CNTN5: variants seen among roughly 807,000 people sequenced by gnomAD.
The protein encoded by CNTN5 is contactin-5.
CNTN5 carries 77 observed loss-of-function variants against 129.1 expected under a neutral mutation model. The observed-to-expected ratio is 0.60, with a 90% CI of 0.50 to 0.72. CNTN5 has a LOEUF of 0.72. Among genes scored for constraint, CNTN5 ranks in the 30% least tolerant of loss-of-function variants. The pLI is 0.00. For synonymous variants in CNTN5, 509 were observed against 465.6 expected (o/e 1.09, Z -1.20); for missense variants, 1,478 against 1,328.8 (o/e 1.11, Z -1.75).
chr11:99,785,314 GGATA>G (rs1358494630), intron 3 of CNTN5, among the ~76,000 whole-genome samples: 2 of 152,008 alleles, frequency 1.3e-5, no homozygotes, highest in South Asian at 2.1e-4. Flanking sequence ...TTTGTCAGAT[GGATA>G]GATAGCAAAA....
intron 3 of CNTN5, among the ~76,000 whole-genome samples, chr11:99,649,509 G>T (rs1424058983): frequency 6.6e-6 from 1 of 151,836 alleles, no homozygotes; most frequent in Non-Finnish European, 1.5e-5. Context: ...GGGCACAGAA[G>T]TCTTTGAATA....
intron 3 of CNTN5, among the ~76,000 whole-genome samples, chr11:99,608,641 C>T (rs1278531477): frequency 6.6e-6 from 1 of 152,080 alleles, no homozygotes; most frequent in Non-Finnish European, 1.5e-5. Context: ...AGTAGAGAGA[C>T]CCCAGATCAG....
intron 1 of CNTN5, among the ~76,000 whole-genome samples, chr11:99,251,462 A>G (rs1862099712): frequency 6.6e-6 from 1 of 151,920 alleles, no homozygotes; most frequent in Non-Finnish European, 1.5e-5. Context: ...TTATAGAAAT[A>G]GTATCTTCCA....
chr11:100,103,910 A>C (rs374494566), intron 13 of CNTN5, among the ~76,000 whole-genome samples: 6 of 152,286 alleles, frequency 3.9e-5, no homozygotes, highest in African/African-American at 1.4e-4. Context: ...TTTGACTTAC[A>C]GCAGATAAAT....
At chr11:100,336,831 C>A in intron 21 of CNTN5, 1 of 434,462 alleles carries the variant, frequency 2.3e-6, no homozygotes, top group Non-Finnish European at 4.2e-6. Context: ...CCTTCCCGGC[C>A]TCTTCCCCAG....
At chr11:99,632,921 G>T (rs652769) in intron 3 of CNTN5, among the ~76,000 whole-genome samples, 91,653 of 151,816 alleles carry the variant, frequency 0.6, 28,480 homozygotes, top group Admixed American at 0.69. Flanking sequence ...AGTCATCTTT[G>T]AGTTCTGAGA....
At chr11:99,959,911 C>T (rs563169400) in intron 8 of CNTN5, among the ~76,000 whole-genome samples, 27 of 148,234 alleles carry the variant, frequency 1.8e-4, no homozygotes, top group African/African-American at 5.6e-4. Flanking sequence ...ATTGCTTTCT[C>T]GGCTTTTATT....
chr11:99,292,164 T>C (rs1278924400), intron 1 of CNTN5, among the ~76,000 whole-genome samples: 1 of 151,652 alleles, frequency 6.6e-6, no homozygotes, highest in East Asian at 1.9e-4. Context: ...AAAAGAATAA[T>C]GTATATATTG....
chr11:99,796,496 G>A (rs1341517780), intron 3 of CNTN5, among the ~76,000 whole-genome samples: 1 of 152,056 alleles, frequency 6.6e-6, no homozygotes, highest in Non-Finnish European at 1.5e-5. Context: ...ACAAATGGCT[G>A]CTCTGCTGGA....
intron 3 of CNTN5, among the ~76,000 whole-genome samples, chr11:99,583,087 C>T (rs1350861550): frequency 6.6e-6 from 1 of 152,196 alleles, no homozygotes; most frequent in East Asian, 1.9e-4. Flanking sequence ...ACTGGAGGTC[C>T]ACTCTAGACC....
At chr11:99,645,030 G>A (rs941161041) in intron 3 of CNTN5, among the ~76,000 whole-genome samples, 5 of 151,632 alleles carry the variant, frequency 3.3e-5, no homozygotes, top group Non-Finnish European at 5.9e-5. Context: ...ACTTTGGGAG[G>A]CTGAGGCAGG....
intron 3 of CNTN5, among the ~76,000 whole-genome samples, chr11:99,620,679 A>G (rs1487831329): frequency 6.6e-6 from 1 of 152,118 alleles, no homozygotes; most frequent in African/African-American, 2.4e-5. Flanking sequence ...TAGTGGGCAT[A>G]GAAAATCAAA....
chr11:99,072,213 A>C (rs1407213956), intron 1 of CNTN5, among the ~76,000 whole-genome samples: 1 of 152,062 alleles, frequency 6.6e-6, no homozygotes, highest in Admixed American at 6.6e-5. Flanking sequence ...AGTTGTCAAA[A>C]GTTTATGCTC....
intron 3 of CNTN5, among the ~76,000 whole-genome samples, chr11:99,676,121 A>G (rs1953272441): frequency 6.6e-6 from 1 of 152,050 alleles, no homozygotes; most frequent in Admixed American, 6.6e-5. Context: ...ATAGTTAATT[A>G]TTACTTGCTA....
At chr11:99,572,119 T>G (rs1044395090) in intron 3 of CNTN5, among the ~76,000 whole-genome samples, 4 of 152,082 alleles carry the variant, frequency 2.6e-5, no homozygotes, top group African/African-American at 9.7e-5. Flanking sequence ...TAGCTAAAAG[T>G]TTGTTATATG....
In CNTN5 at chr11:99,029,150, G is replaced by T. The variant is rs1374846289; in HGVS notation, c.-210+7880G>T. 4.0e-5 allele frequency among the ~76,000 whole-genome samples: 6 copies of T among 151,440 alleles called. No homozygotes were observed. In the East Asian group the frequency reaches 9.7e-4, roughly 24 times the overall value. On this transcript the variant is annotated intron_variant, in intron 1 of 24. Transcript: ENST00000524871. ...AATTATAGTATTAAAATCATTAAAGGTTTGAGTCTAGGAAGAAATTTTTAT... is the reference window on the plus strand; with the variant it reads ...AATTATAGTATTAAAATCATTAAAGTTTTGAGTCTAGGAAGAAATTTTTAT...
At chr11:99,225,989 A>G (rs1290497671) in intron 1 of CNTN5, among the ~76,000 whole-genome samples, 1 of 152,206 alleles carries the variant, frequency 6.6e-6, no homozygotes, top group Non-Finnish European at 1.5e-5. Flanking sequence ...GCTAGAGTTG[A>G]TAATCATTTT....
At chr11:99,080,634 A>G (rs1227384668) in intron 1 of CNTN5, among the ~76,000 whole-genome samples, 3 of 152,200 alleles carry the variant, frequency 2.0e-5, no homozygotes, top group African/African-American at 4.8e-5. Context: ...CAAAGTCACA[A>G]CCATTTTTGG....
intron 1 of CNTN5, among the ~76,000 whole-genome samples, chr11:99,144,930 C>T (rs1859704052): frequency 6.6e-6 from 1 of 151,974 alleles, no homozygotes; most frequent in Non-Finnish European, 1.5e-5. Context: ...TGGATTTTGG[C>T]ACTGGAGACC....
Sources: allele counts gnomAD v4.1 joint callset (sites outside exome capture counted in the v4.1 genomes callset), GRCh38; gene constraint gnomAD v4.1.1; transcripts MANE v1.5; gene names NCBI Gene and HGNC (gene_info 2026-07-23, HGNC 2026-07-21).